Variants in CCSER1 observed in about 807,000 individuals in gnomAD.
CCSER1 encodes the protein coiled-coil serine rich protein 1, also known as serine-rich coiled-coil domain-containing protein 1.
A neutral mutation model predicts 82.0 loss-of-function variants in CCSER1; 41 were observed. That is an observed-to-expected ratio of 0.50 (90% CI 0.39 to 0.65). The LOEUF (loss-of-function observed/expected upper bound fraction) is 0.65, where lower values mean the gene tolerates loss of function less well. Among genes scored for constraint, CCSER1 ranks in the 30% least tolerant of loss-of-function variants. The pLI, the probability that CCSER1 is intolerant of heterozygous loss-of-function variation, is 0.00. For synonymous variants in CCSER1, 414 were observed against 383.9 expected (o/e 1.08, Z -0.92); for missense variants, 1,119 against 1,064.2 (o/e 1.05, Z -0.72).
chr4:90,206,591 G>T (rs906350722), intron 1 of CCSER1, among the ~76,000 whole-genome samples: 1 of 152,030 alleles, frequency 6.6e-6, no homozygotes, highest in Non-Finnish European at 1.5e-5. Context: ...TTTTGCATTT[G>T]CTGAGGAGTG....
intron 6 of CCSER1, among the ~76,000 whole-genome samples, chr4:90,640,878 T>A (rs1221799774): frequency 6.6e-6 from 1 of 152,188 alleles, no homozygotes; most frequent in Non-Finnish European, 1.5e-5. Flanking sequence ...CAAACATCTT[T>A]CTTTTTTAAA....
chr4:91,167,734 C>T (rs1271656594), intron 10 of CCSER1, among the ~76,000 whole-genome samples: 1 of 152,214 alleles, frequency 6.6e-6, no homozygotes, highest in East Asian at 1.9e-4. Context: ...CCTAAATTTA[C>T]ACAGCTGATT....
At chr4:91,355,647 G>A (rs1211335977) in intron 10 of CCSER1, among the ~76,000 whole-genome samples, 1 of 152,130 alleles carries the variant, frequency 6.6e-6, no homozygotes, top group Non-Finnish European at 1.5e-5. Flanking sequence ...CAAATTTTAA[G>A]GAAAATGAGT....
At chr4:91,434,064 A>C (rs1294462176) in intron 10 of CCSER1, among the ~76,000 whole-genome samples, 1 of 152,238 alleles carries the variant, frequency 6.6e-6, no homozygotes, top group African/African-American at 2.4e-5. Context: ...AGGGAGACTT[A>C]TCAACTGAGC....
chr4:91,448,541 T>C (rs1218554848), intron 10 of CCSER1, among the ~76,000 whole-genome samples: 1 of 152,100 alleles, frequency 6.6e-6, no homozygotes, highest in East Asian at 1.9e-4. Flanking sequence ...GAGTTGCTTA[T>C]TTTGAGTGTT....
intron 9 of CCSER1, among the ~76,000 whole-genome samples, chr4:90,933,492 G>GTT (rs545462121): frequency 1.3e-4 from 19 of 143,808 alleles, no homozygotes; most frequent in African/African-American, 4.6e-4. Flanking sequence ...AGGATGAAGT[G>GTT]TTTTTTTTTT....
chr4:90,815,905 C>A, intron 8 of CCSER1, 60 bp downstream of exon 8: 1 of 1,192,254 alleles, frequency 8.4e-7, no homozygotes, highest in Non-Finnish European at 1.2e-6. Flanking sequence ...ATTTGTTCCA[C>A]GCCCTTATTT....
intron 10 of CCSER1, among the ~76,000 whole-genome samples, chr4:91,331,907 C>T (rs1418066551): frequency 6.6e-6 from 1 of 152,058 alleles, no homozygotes; most frequent in East Asian, 1.9e-4. Flanking sequence ...AGACTCTTTG[C>T]AATATATGAA....
intron 1 of CCSER1, among the ~76,000 whole-genome samples, chr4:90,235,765 C>G (rs972614090): frequency 2.0e-5 from 3 of 151,514 alleles, no homozygotes; most frequent in Non-Finnish European, 4.4e-5. Context: ...GTCAATAATT[C>G]ATATACCTCA....
chr4:90,799,255 T>G (rs2123957), intron 7 of CCSER1, among the ~76,000 whole-genome samples: 52,915 of 151,970 alleles, frequency 0.35, 9,584 homozygotes, highest in African/African-American at 0.46. Flanking sequence ...CTGTGCAGTA[T>G]TAGCACAAGG....
intron 8 of CCSER1, among the ~76,000 whole-genome samples, chr4:90,897,470 C>A (rs1021974859): frequency 6.6e-6 from 1 of 152,064 alleles, no homozygotes. Context: ...AACATAATTT[C>A]ATTCTTCTAT....
intron 9 of CCSER1, among the ~76,000 whole-genome samples, chr4:91,002,289 T>A (rs1170920184): frequency 6.6e-6 from 1 of 152,224 alleles, no homozygotes; most frequent in East Asian, 1.9e-4. Context: ...TGTATTTGGA[T>A]GTCTAGGTCT....
intron 9 of CCSER1, among the ~76,000 whole-genome samples, chr4:91,001,753 T>A (rs28762396): frequency 0.056 from 8,510 of 152,266 alleles, 266 homozygotes; most frequent in Middle Eastern, 0.092. Context: ...CCGTTTACAT[T>A]CATTGTTAGT....
At chr4:90,932,974 GAAAGAAAGAGAAAGAAAGAA>G (rs1561384919) in intron 9 of CCSER1, among the ~76,000 whole-genome samples, 31 of 30,440 alleles carry the variant, frequency 1.0e-3, no homozygotes, top group South Asian at 1.6e-3. Flanking sequence ...AAGAAAGAAA[GAAAGAAAGAGAAAGAAAGAA>G]AGAAAGAAAG....
At chr4:90,696,197 A>G (rs145692368) in intron 6 of CCSER1, among the ~76,000 whole-genome samples, 2 of 152,234 alleles carry the variant, frequency 1.3e-5, no homozygotes, top group Admixed American at 6.5e-5. Flanking sequence ...AATAATGTCT[A>G]TAGATTTTTC....
At chr4:90,147,972 C>T (rs1726129235) in intron 1 of CCSER1, among the ~76,000 whole-genome samples, 1 of 152,148 alleles carries the variant, frequency 6.6e-6, no homozygotes, top group Non-Finnish European at 1.5e-5. Context: ...TCAGACCAGC[C>T]TGGCCAACAT....
At chr4:90,592,874 G>A (rs1782877810) in intron 5 of CCSER1, among the ~76,000 whole-genome samples, 2 of 152,066 alleles carry the variant, frequency 1.3e-5, no homozygotes, top group African/African-American at 4.8e-5. Context: ...GGCTGTATGT[G>A]TTAACTCAGT....
At chr4:91,046,484 G>A (rs1290129070) in intron 9 of CCSER1, among the ~76,000 whole-genome samples, 2 of 151,970 alleles carry the variant, frequency 1.3e-5, no homozygotes, top group African/African-American at 2.4e-5. Flanking sequence ...GGAGTTTCTT[G>A]AAACACCATT....
intron 10 of CCSER1, among the ~76,000 whole-genome samples, chr4:91,575,124 C>A (rs1763384782): frequency 6.6e-6 from 1 of 151,978 alleles, no homozygotes; most frequent in Non-Finnish European, 1.5e-5. Flanking sequence ...AAAGGACAAT[C>A]TCTTCAATAA....
Sources: gnomAD v4.1 joint callset for allele counts (sites outside exome capture counted in the v4.1 genomes callset) on GRCh38, gnomAD v4.1.1 for gene constraint, MANE v1.5 for transcripts, NCBI Gene and HGNC (gene_info 2026-07-23, HGNC 2026-07-21) for gene names.